The following KATNAL1 variants were observed in gnomAD, a reference collection of about 807,000 sequenced individuals.
KATNAL1 encodes the protein katanin catalytic subunit A1 like 1, also known as katanin p60 ATPase-containing subunit A-like 1.
In KATNAL1, 32 loss-of-function variants were observed where a neutral mutation model predicts 55.2. The observed-to-expected ratio is 0.58, with a 90% confidence interval of 0.44 to 0.78. The LOEUF is 0.78. Ranked by LOEUF, KATNAL1 falls within the 30% of genes least tolerant of loss-of-function variation. The probability of loss-of-function intolerance (pLI) is 0.00; values close to 1 mark genes in which losing one functional copy is unlikely to be tolerated. For missense variants in KATNAL1, 466 were observed against 600.9 expected (o/e 0.78, Z 2.35); for synonymous variants, 193 against 193.6 (o/e 1.00, Z 0.02).
chr13:30,303,459 G>A (rs1176178382), intron 1 of KATNAL1, among the ~76,000 whole-genome samples: 2 of 152,218 alleles, frequency 1.3e-5, no homozygotes, highest in African/African-American at 4.8e-5. Context: ...CAGCCACTGG[G>A]GAGGCTGAGA....
At position 30,280,639 on chromosome 13, in the gene KATNAL1, A is replaced by G. The variant is rs567077606; in HGVS notation, c.163-416T>C. Among the ~76,000 whole-genome samples, 172 of 152,312 alleles carry G rather than the reference A, an allele frequency of 1.1e-3. 1 individual carries two copies. Among genetic ancestry groups the G allele is most frequent in the African/African-American group, 4.0e-3 (165 of 41,570 alleles). ...TTTTCAACAGCATTTCCTATTCCCA[A>G]TATCACTAAATATAAAACGCCTGTC... On this transcript the variant is annotated intron_variant, in intron 2 of 10. Coordinates refer to ENST00000380615, the MANE Select transcript of KATNAL1 (RefSeq NM_032116.5).
chr13:30,288,201 T>C (rs1437109128), intron 1 of KATNAL1, among the ~76,000 whole-genome samples: 1 of 152,186 alleles, frequency 6.6e-6, no homozygotes, highest in Non-Finnish European at 1.5e-5. Context: ...AGGTGCTACT[T>C]TATACTGATA....
chr13:30,227,325 A>C, intron 9 of KATNAL1, 87 bp downstream of exon 9: 1 of 1,313,286 alleles, frequency 7.6e-7, no homozygotes, highest in Non-Finnish European at 1.1e-6. Flanking sequence ...AACTTCTTTA[A>C]GCAGAATGGC....
At chr13:30,291,023 C>A (rs1039367985) in intron 1 of KATNAL1, among the ~76,000 whole-genome samples, 1 of 152,168 alleles carries the variant, frequency 6.6e-6, no homozygotes. Flanking sequence ...AAATGCTCTC[C>A]AAGATCAAGA....
intron 4 of KATNAL1, among the ~76,000 whole-genome samples, chr13:30,250,510 T>G (rs1409440091): frequency 6.6e-6 from 1 of 152,200 alleles, no homozygotes; most frequent in East Asian, 1.9e-4. Flanking sequence ...ATTTGTGCAC[T>G]TTTCTTCAGT....
intron 3 of KATNAL1, among the ~76,000 whole-genome samples, chr13:30,274,899 G>GTA (rs1880680255): frequency 8.9e-6 from 1 of 112,328 alleles, no homozygotes; most frequent in African/African-American, 4.4e-5. Context: ...ATACGCGCGC[G>GTA]CGCGCGCGCA....
At chr13:30,247,839 A>G (rs1309299603) in intron 4 of KATNAL1, among the ~76,000 whole-genome samples, 1 of 152,240 alleles carries the variant, frequency 6.6e-6, no homozygotes, top group Non-Finnish European at 1.5e-5. Flanking sequence ...TGATGCCAAC[A>G]AGCCAGGGAC....
At chr13:30,292,555 G>A (rs1882202884) in intron 1 of KATNAL1, among the ~76,000 whole-genome samples, 2 of 152,098 alleles carry the variant, frequency 1.3e-5, no homozygotes. Flanking sequence ...ATCTTCCAAG[G>A]CTGTAAGCAA....
rs869107567 is a variant in KATNAL1, at chr13:30,274,907, G to GCGCGCGCA, written c.323+5155_323+5156insTGCGCGCG. 2.3e-3 allele frequency among the ~76,000 whole-genome samples: 244 copies of GCGCGCGCA among 105,416 alleles called. 1 individual carries two copies. Among genetic ancestry groups the GCGCGCGCA allele is most frequent in the Middle Eastern group, 9.8e-3 (2 of 204 alleles). 69.2% of individuals were successfully genotyped at this position (105,416 alleles called of 152,430 possible). A position where few individuals can be genotyped will look rare whatever the true frequency, so the allele number is the denominator to read the frequency against. On this transcript the variant is annotated intron_variant, in intron 3 of 10. Coordinates refer to ENST00000380615, the MANE Select transcript of KATNAL1 (RefSeq NM_032116.5). ...CACACACATACGCGCGCGCGCGCGCGCACACACACACACACACACACACAC... is the reference window on the plus strand; with the variant it reads ...CACACACATACGCGCGCGCGCGCGCGCGCGCGCACACACACACACACACACACACACAC...
At chr13:30,260,354 C>T (rs143309594) in intron 3 of KATNAL1, among the ~76,000 whole-genome samples, 226 of 152,304 alleles carry the variant, frequency 1.5e-3, no homozygotes, top group African/African-American at 5.1e-3. Flanking sequence ...TCACCAGCAA[C>T]GCAACAAAGC....
rs1873156426 is a variant in KATNAL1, at chr13:30,206,431, A to C, written c.*2109T>G. ...GAGAAACAAGGGAAATAAAAAGCAC[A>C]CCTGACTCACTTAACATAGTAAAGT... is the stretch of plus-strand genomic sequence containing the variant. On this transcript the variant is annotated 3_prime_UTR_variant, in exon 11 of 11. Coordinates refer to ENST00000380615, the MANE Select transcript of KATNAL1 (RefSeq NM_032116.5). 6.6e-6 allele frequency: 1 copy of C among 152,148 alleles called. No individual in the cohort carries two copies. Among genetic ancestry groups the C allele is most frequent in the Non-Finnish European group, 1.5e-5 (1 of 68,016 alleles). 9.4% of individuals were successfully genotyped at this position (152,148 alleles called of 1,614,324 possible).
chr13:30,267,780 G>T (rs1393881711), intron 3 of KATNAL1, among the ~76,000 whole-genome samples: 4 of 152,172 alleles, frequency 2.6e-5, no homozygotes, highest in Non-Finnish European at 5.9e-5. Flanking sequence ...CCAAGAAAGA[G>T]AGAGAGAGAA....
At chr13:30,300,534 G>A (rs375796849) in intron 1 of KATNAL1, among the ~76,000 whole-genome samples, 8 of 135,912 alleles carry the variant, frequency 5.9e-5, no homozygotes, top group South Asian at 2.4e-4. Flanking sequence ...AAAAAAAAAA[G>A]TTTCTCCAAA....
chr13:30,227,566 A>G lies in KATNAL1; in HGVS notation c.1013-20T>C, dbSNP rs1875634300. On this transcript the variant is annotated intron_variant, in intron 8 of 10. Transcript: ENST00000380615. ...CAACTCCTATACACAGTAAGGGAGG[A>G]AAAGATAGTGTTTTTCTTACAACTC... 6.3e-7 allele frequency: 1 copy of G among 1,592,974 alleles called. No homozygotes were observed. The highest frequency in any genetic ancestry group is 1.3e-5 in the African/African-American group (1 of 74,170).
intron 9 of KATNAL1, among the ~76,000 whole-genome samples, chr13:30,213,487 C>T (rs1873896846): frequency 6.6e-6 from 1 of 152,114 alleles, no homozygotes; most frequent in Admixed American, 6.5e-5. Flanking sequence ...GAATTTTAGA[C>T]CAATATCCTT....
In KATNAL1 at chr13:30,274,931, A is replaced by G. The variant is rs1030877119; in HGVS notation, c.323+5132T>C. 2.6e-5 allele frequency among the ~76,000 whole-genome samples: 4 copies of G among 151,528 alleles called. No homozygotes were observed. In the East Asian group the frequency reaches 5.8e-4, roughly 22 times the overall value. The stretch of plus-strand genomic sequence containing the variant: ...CGCACACACACACACACACACACAC[A>G]CACACACACACACACACACACAGGA... On this transcript the variant is annotated intron_variant, in intron 3 of 10. Transcript: ENST00000380615.
At chr13:30,262,334 C>T (rs1299946246) in intron 3 of KATNAL1, among the ~76,000 whole-genome samples, 3 of 151,978 alleles carry the variant, frequency 2.0e-5, no homozygotes, top group African/African-American at 7.3e-5. Flanking sequence ...CAAACACATT[C>T]AAAAGCCAGC....
chr13:30,286,754 A>T (rs983019701), intron 1 of KATNAL1, among the ~76,000 whole-genome samples: 20 of 152,214 alleles, frequency 1.3e-4, no homozygotes, highest in African/African-American at 4.8e-4. Context: ...GAAAAGCCAC[A>T]GACACTCAAG....
chr13:30,278,276 G>GGAA (rs1174826918), intron 3 of KATNAL1, among the ~76,000 whole-genome samples: 1 of 149,684 alleles, frequency 6.7e-6, no homozygotes. Context: ...GATCCAAAGA[G>GGAA]GAAAAAAAAA....
Sources: gnomAD v4.1 joint callset for allele counts (sites outside exome capture counted in the v4.1 genomes callset) on GRCh38, gnomAD v4.1.1 for gene constraint, MANE v1.5 for transcripts, NCBI Gene and HGNC (gene_info 2026-07-23, HGNC 2026-07-21) for gene names.